OCA2: variants seen among roughly 807,000 people sequenced by gnomAD.
The protein encoded by OCA2 is P protein.
A neutral mutation model predicts 100.2 loss-of-function variants in OCA2; 77 were observed. That is an observed-to-expected ratio of 0.77 (90% confidence interval 0.64 to 0.93). The LOEUF (loss-of-function observed/expected upper bound fraction) is 0.93, where lower values mean the gene tolerates loss of function less well. OCA2 is among the 40% of genes least tolerant of loss of function. OCA2 has a pLI of 0.00. For missense variants in OCA2, 1,062 were observed against 1,089.1 expected (o/e 0.98, Z 0.35); for synonymous variants, 432 against 439.2 (o/e 0.98, Z 0.21).
chr15:27,932,489 G>A (rs942832280), intron 18 of OCA2, among the ~76,000 whole-genome samples: 7 of 152,106 alleles, frequency 4.6e-5, no homozygotes, highest in African/African-American at 1.7e-4. Context: ...AGAGCTAGGG[G>A]GCGGTGGGGG....
chr15:27,930,870 C>T (rs571482317), intron 18 of OCA2, among the ~76,000 whole-genome samples: 1 of 152,156 alleles, frequency 6.6e-6, no homozygotes, highest in African/African-American at 2.4e-5. Flanking sequence ...TTTTTGCTGT[C>T]TCCAGTAAAC....
intron 21 of OCA2, among the ~76,000 whole-genome samples, chr15:27,856,204 A>T (rs188193870): frequency 5.1e-4 from 78 of 152,168 alleles, no homozygotes; most frequent in South Asian, 1.0e-3. Context: ...ATTAGGGCCC[A>T]CCCTGGTGAC....
chr15:27,793,172 C>G (rs2033165307), intron 23 of OCA2, among the ~76,000 whole-genome samples: 1 of 152,184 alleles, frequency 6.6e-6, no homozygotes, highest in South Asian at 2.1e-4. Flanking sequence ...CTACTCAAAG[C>G]CGGCATCATC....
At position 28,059,654 on chromosome 15, in the gene OCA2, A is replaced by G. The variant is rs114979831; in HGVS notation, c.227+21994T>C. 4.8e-3 allele frequency among the ~76,000 whole-genome samples: 728 copies of G among 152,354 alleles called. 4 individuals carry two copies. Among genetic ancestry groups the G allele is most frequent in the African/African-American group, 0.015 (641 of 41,592 alleles). On this transcript the variant is annotated intron_variant, in intron 2 of 23. Coordinates refer to ENST00000354638, the MANE Select transcript of OCA2 (RefSeq NM_000275.3). Reference sequence around the variant, plus strand: ...AAAAGAACAATTTTTAAAGACTTCTAAATGCCTTTTGCTCCCTAGTAGTAA... The same window carrying G: ...AAAAGAACAATTTTTAAAGACTTCTGAATGCCTTTTGCTCCCTAGTAGTAA...
At chr15:27,966,264 C>T (rs1032753061) in intron 15 of OCA2, among the ~76,000 whole-genome samples, 6 of 152,160 alleles carry the variant, frequency 3.9e-5, no homozygotes, top group African/African-American at 1.4e-4. Context: ...CGTGAGCCAC[C>T]GTGCCTGGCC....
At chr15:27,831,894 C>T (rs1378692711) in intron 23 of OCA2, among the ~76,000 whole-genome samples, 3 of 152,178 alleles carry the variant, frequency 2.0e-5, no homozygotes, top group Non-Finnish European at 4.4e-5. Flanking sequence ...AGGGTGTCTG[C>T]ATCCTTCTCC....
At chr15:28,016,311 A>G (rs759489712) in intron 7 of OCA2, 125 bp from the exon 8 acceptor site, 1 of 784,680 alleles carries the variant, frequency 1.3e-6, no homozygotes, top group Non-Finnish European at 2.2e-6. Context: ...ACAGGAGAGC[A>G]TCTTTATTTG....
intron 21 of OCA2, among the ~76,000 whole-genome samples, chr15:27,855,351 G>A (rs1185902088): frequency 2.6e-5 from 4 of 152,174 alleles, no homozygotes; most frequent in Non-Finnish European, 5.9e-5. Flanking sequence ...GCGCTCCCTC[G>A]CCAGGCTGTC....
At chr15:28,002,136 T>G (rs1206035263) in intron 9 of OCA2, among the ~76,000 whole-genome samples, 1 of 152,138 alleles carries the variant, frequency 6.6e-6, no homozygotes, top group Non-Finnish European at 1.5e-5. Flanking sequence ...CCAAAAAAGC[T>G]GATACAAGAG....
chr15:27,847,402 GA>G (rs2035577654), intron 22 of OCA2, among the ~76,000 whole-genome samples: 1 of 152,208 alleles, frequency 6.6e-6, no homozygotes, highest in Non-Finnish European at 1.5e-5. Context: ...GCAGGGAGGA[GA>G]ACTGGCACCA....
chr15:28,035,632 T>A (rs527339024), intron 2 of OCA2, among the ~76,000 whole-genome samples: 1 of 152,342 alleles, frequency 6.6e-6, no homozygotes, highest in South Asian at 2.1e-4. Flanking sequence ...TTCCTGACTT[T>A]TCCTCTTCTG....
rs143615230 is a variant in OCA2 at position 28,014,826 on chromosome 15, T to G, written c.994A>C (p.Thr332Pro). The stretch of plus-strand genomic sequence containing the variant: ...CCCGCGAGGATGGCCGTCGCGATGG[T>G]CACCTGGGTTTCTACACTTCCGCGG... ...YLRGSVETQV[T>P]IATAILAGVY... is the part of the protein sequence containing the mutation. The change falls in exon 9 of 24, where the codon ACC becomes CCC. Residue 332 changes from threonine to proline, a missense_variant. Thr to Pro is a conservative substitution (Grantham distance 38). Transcript: ENST00000354638. The G allele has an allele frequency of 2.5e-6, 4 of 1,613,900 alleles. No individual in the cohort carries two copies. In the African/African-American group the frequency reaches 5.3e-5, roughly 22 times the overall value.
At chr15:27,929,663 T>C (rs2039171645) in intron 18 of OCA2, among the ~76,000 whole-genome samples, 1 of 151,956 alleles carries the variant, frequency 6.6e-6, no homozygotes, top group Non-Finnish European at 1.5e-5. Flanking sequence ...TATGAATTCC[T>C]GTTTTTCAAA....
At chr15:27,938,723 C>T (rs956941964) in intron 18 of OCA2, among the ~76,000 whole-genome samples, 6 of 152,312 alleles carry the variant, frequency 3.9e-5, no homozygotes, top group South Asian at 2.1e-4. Flanking sequence ...CCCCTGAATG[C>T]CAGCTCATTC....
chr15:28,060,509 T>C lies in OCA2; in HGVS notation c.227+21139A>G, dbSNP rs555302860. On this transcript the variant is annotated intron_variant, in intron 2 of 23. Coordinates refer to ENST00000354638, the MANE Select transcript of OCA2 (RefSeq NM_000275.3). ...ATTATTTTTGTAAGATGAGATTTGC[T>C]TTCAAATCAAAGGAAGACGAGGTAA... 7.9e-5 allele frequency among the ~76,000 whole-genome samples: 12 copies of C among 152,316 alleles called. No individual in the cohort carries two copies. The South Asian group carries it at 2.5e-3, about 32-fold the overall frequency.
intron 18 of OCA2, among the ~76,000 whole-genome samples, chr15:27,944,187 A>G (rs557046254): frequency 6.6e-6 from 1 of 152,314 alleles, no homozygotes; most frequent in South Asian, 2.1e-4. Context: ...TGCTGGCCCT[A>G]ATGTGACTGA....
chr15:27,883,018 T>C (rs894630931), intron 19 of OCA2, among the ~76,000 whole-genome samples: 1 of 152,182 alleles, frequency 6.6e-6, no homozygotes, highest in African/African-American at 2.4e-5. Context: ...CCAGATGGTG[T>C]TGTTCTGAAA....
intron 23 of OCA2, among the ~76,000 whole-genome samples, chr15:27,842,830 A>G (rs1271879230): frequency 1.3e-5 from 2 of 152,198 alleles, no homozygotes; most frequent in African/African-American, 4.8e-5. Flanking sequence ...ACACACGCAC[A>G]CACACACACG....
downstream of OCA2, among the ~76,000 whole-genome samples, chr15:27,752,407 C>A (rs548215733): frequency 6.6e-6 from 1 of 152,224 alleles, no homozygotes; most frequent in Non-Finnish European, 1.5e-5. Flanking sequence ...ATTCTGTAGA[C>A]AGCGTCAGGA....
Sources: gnomAD v4.1 joint callset for allele counts (sites outside exome capture counted in the v4.1 genomes callset) on GRCh38, gnomAD v4.1.1 for gene constraint, MANE v1.5 for transcripts, NCBI Gene and HGNC (gene_info 2026-07-23, HGNC 2026-07-21) for gene names.